POLA1: variants seen among roughly 807,000 people sequenced by gnomAD.
The protein encoded by POLA1 is DNA polymerase alpha catalytic subunit.
A neutral mutation model predicts 124.0 loss-of-function variants in POLA1; 15 were observed. That is an observed-to-expected ratio of 0.12 (90% CI 0.08 to 0.19). The LOEUF (loss-of-function observed/expected upper bound fraction) is 0.19. Among genes scored for constraint, POLA1 ranks in the 10% least tolerant of loss-of-function variants. The pLI, the probability that POLA1 is intolerant of heterozygous loss-of-function variation, is 1.00. For synonymous variants in POLA1, 408 were observed against 389.4 expected (o/e 1.05, Z -0.56); for missense variants, 886 against 1,103.4 (o/e 0.80, Z 2.79).
chrX:24,898,196 A>G (rs1414454499), intron 35 of POLA1, among the ~76,000 whole-genome samples: 1 of 112,659 alleles, frequency 8.9e-6, no homozygotes, highest in Non-Finnish European at 1.9e-5. Context: ...CACACAAATT[A>G]CAGCAATAGC....
chrX:24,869,209 C>A (rs780945625), intron 34 of POLA1, among the ~76,000 whole-genome samples: 38 of 112,893 alleles, frequency 3.4e-4, no homozygotes, highest in African/African-American at 1.1e-3. Flanking sequence ...GCTGGGATTA[C>A]AGGCATGAGC....
chrX:24,791,940 A>G (rs948008451), intron 26 of POLA1, among the ~76,000 whole-genome samples: 2 of 111,903 alleles, frequency 1.8e-5, no homozygotes, highest in African/African-American at 6.5e-5. Context: ...TGTGATAATC[A>G]TTATAGTTAA....
intron 4 of POLA1, among the ~76,000 whole-genome samples, chrX:24,706,897 AT>A (rs1928849395): frequency 8.9e-6 from 1 of 112,117 alleles, no homozygotes; most frequent in African/African-American, 3.3e-5. Context: ...AAAACATATG[AT>A]TTAAAAATGA....
intron 36 of POLA1, among the ~76,000 whole-genome samples, chrX:24,970,188 C>CA (rs1338869282): frequency 8.9e-6 from 1 of 111,965 alleles, no homozygotes; most frequent in African/African-American, 3.3e-5. Context: ...ACAAACCTGA[C>CA]AAAAGCAAGC....
intron 31 of POLA1, among the ~76,000 whole-genome samples, chrX:24,824,058 A>C (rs779569278): frequency 8.9e-6 from 1 of 111,926 alleles, no homozygotes; most frequent in South Asian, 3.8e-4. Context: ...TCTCCAGTTT[A>C]AAATATTTTC....
At chrX:24,972,126 G>A (rs982569865) in intron 36 of POLA1, among the ~76,000 whole-genome samples, 4 of 109,970 alleles carry the variant, frequency 3.6e-5, no homozygotes, top group South Asian at 7.8e-4. Context: ...CTGCCACCAC[G>A]CCCGGCTAAG....
intron 15 of POLA1, among the ~76,000 whole-genome samples, chrX:24,730,541 C>T (rs773978023): frequency 1.8e-5 from 2 of 112,349 alleles, no homozygotes; most frequent in Non-Finnish European, 3.8e-5. Flanking sequence ...CTACCATGCC[C>T]AACCCCATTT....
At chrX:24,864,068 A>G (rs1053687182) in intron 34 of POLA1, among the ~76,000 whole-genome samples, 10 of 109,224 alleles carry the variant, frequency 9.2e-5, no homozygotes, top group Non-Finnish European at 1.5e-4. Flanking sequence ...TGCAACCTCT[A>G]CTTCCCGGGT....
intron 28 of POLA1, among the ~76,000 whole-genome samples, chrX:24,812,054 A>T (rs1569321578): frequency 8.9e-6 from 1 of 112,281 alleles, no homozygotes; most frequent in African/African-American, 3.2e-5. Flanking sequence ...TCTTCACTTG[A>T]CAGCAAGCCT....
chrX:24,851,041 T>G (rs778608885), intron 34 of POLA1, among the ~76,000 whole-genome samples: 1 of 112,163 alleles, frequency 8.9e-6, no homozygotes, highest in South Asian at 3.7e-4. Flanking sequence ...CAAACTGTGC[T>G]GTGTTTCCTC....
intron 34 of POLA1, 115 bp from the exon 35 acceptor site, chrX:24,887,891 T>A (rs1216008734): frequency 4.0e-6 from 2 of 500,380 alleles, no homozygotes; most frequent in African/African-American, 4.7e-5. Flanking sequence ...ACTAGAGTTA[T>A]GTCAGAATTT....
intron 36 of POLA1, among the ~76,000 whole-genome samples, chrX:24,994,987 C>T (rs2048585144): frequency 9.2e-6 from 1 of 108,638 alleles, no homozygotes; most frequent in South Asian, 4.1e-4. Context: ...ACCCGGGAGG[C>T]GGAGGTTGCG....
chrX:24,834,535 G>C (rs1424004519), intron 32 of POLA1, among the ~76,000 whole-genome samples: 1 of 112,111 alleles, frequency 8.9e-6, no homozygotes, highest in African/African-American at 3.2e-5. Flanking sequence ...ACTATGGGAG[G>C]CCAAGGCGGG....
intron 32 of POLA1, among the ~76,000 whole-genome samples, chrX:24,833,190 A>G (rs902962015): frequency 7.2e-5 from 8 of 111,839 alleles, no homozygotes; most frequent in African/African-American, 2.6e-4. Context: ...TATTTCACTT[A>G]GAATAATGGT....
chrX:24,768,859 T>C (rs913246542), intron 26 of POLA1, among the ~76,000 whole-genome samples: 1 of 111,963 alleles, frequency 8.9e-6, no homozygotes, highest in African/African-American at 3.2e-5. Context: ...TGCAGTGTAA[T>C]GAAGTGAACC....
intron 26 of POLA1, among the ~76,000 whole-genome samples, chrX:24,772,081 T>C (rs756622951): frequency 8.9e-6 from 1 of 112,111 alleles, no homozygotes; most frequent in Non-Finnish European, 1.9e-5. Flanking sequence ...TAAACATTTC[T>C]CTGTAATTAG....
chrX:24,905,023 CAA>C (rs59707195), intron 35 of POLA1, among the ~76,000 whole-genome samples: 5 of 43,940 alleles, frequency 1.1e-4, no homozygotes, highest in Admixed American at 3.0e-4. Context: ...GACTCTGTCT[CAA>C]AAAAAAAAAA....
chrX:24,699,363 G>T, intron 1 of POLA1, 62 bp from the exon 2 acceptor site: 1 of 993,699 alleles, frequency 1.0e-6, no homozygotes, highest in Non-Finnish European at 1.3e-6. Context: ...TTTCCTTTGT[G>T]TTTGAGGGAA....
intron 26 of POLA1, among the ~76,000 whole-genome samples, chrX:24,772,756 G>A (rs916869167): frequency 9.0e-5 from 10 of 111,700 alleles, no homozygotes; most frequent in Non-Finnish European, 1.7e-4. Context: ...TAGTTCAACC[G>A]TTGTGGAAGA....
Sources: allele counts gnomAD v4.1 joint callset (sites outside exome capture counted in the v4.1 genomes callset), GRCh38; gene constraint gnomAD v4.1.1; transcripts MANE v1.5; gene names NCBI Gene and HGNC (gene_info 2026-07-23, HGNC 2026-07-21).